The following GPC6 variants were observed in gnomAD, a reference collection of about 807,000 sequenced individuals.
GPC6 encodes glypican 6.
In GPC6, 14 loss-of-function variants were observed where a neutral mutation model predicts 55.2. The observed-to-expected ratio is 0.25, with a 90% confidence interval of 0.17 to 0.40. The LOEUF is 0.40. Ranked by LOEUF, GPC6 falls within the 10% of genes least tolerant of loss-of-function variation. GPC6 has a pLI of 1.00. For synonymous variants in GPC6, 278 were observed against 259.6 expected, an observed-to-expected ratio of 1.07 and a Z score of -0.68; for missense variants, 641 against 708.5, an observed-to-expected ratio of 0.90 and a Z score of 1.08.
intron 3 of GPC6, among the ~76,000 whole-genome samples, chr13:93,898,418 G>A (rs1302694308): frequency 6.6e-6 from 1 of 152,098 alleles, no homozygotes; most frequent in Non-Finnish European, 1.5e-5. Context: ...ATAAGAGTCA[G>A]GAAGCCACAG....
At chr13:93,977,337 G>A (rs1444686827) in intron 3 of GPC6, among the ~76,000 whole-genome samples, 1 of 152,070 alleles carries the variant, frequency 6.6e-6, no homozygotes, top group East Asian at 1.9e-4. Context: ...GGGTTTCATT[G>A]CCAGATTATA....
intron 2 of GPC6, among the ~76,000 whole-genome samples, chr13:93,767,485 A>T (rs377324444): frequency 3.3e-5 from 5 of 152,200 alleles, no homozygotes; most frequent in Non-Finnish European, 7.3e-5. Context: ...AATCCTTATC[A>T]GTCAGAAAAT....
intron 4 of GPC6, among the ~76,000 whole-genome samples, chr13:94,141,297 T>G (rs188356816): frequency 2.6e-5 from 4 of 152,300 alleles, no homozygotes; most frequent in Admixed American, 2.6e-4. Context: ...AAGCTTTGTC[T>G]AGAAATTTGG....
At chr13:93,640,288 C>T (rs1879858256) in intron 2 of GPC6, among the ~76,000 whole-genome samples, 1 of 152,044 alleles carries the variant, frequency 6.6e-6, no homozygotes, top group Non-Finnish European at 1.5e-5. Flanking sequence ...AGCATGTGCT[C>T]TCAAGGACAA....
At chr13:93,407,799 G>A (rs1876348956) in intron 1 of GPC6, among the ~76,000 whole-genome samples, 1 of 152,166 alleles carries the variant, frequency 6.6e-6, no homozygotes, top group South Asian at 2.1e-4. Flanking sequence ...TGTGCAAAAT[G>A]TGGTCCTTTT....
chr13:93,492,572 G>T (rs1374630701), intron 1 of GPC6, among the ~76,000 whole-genome samples: 1 of 142,858 alleles, frequency 7.0e-6, no homozygotes, highest in East Asian at 2.0e-4. Context: ...AATAGGAGTG[G>T]TGAGAGAGGG....
At chr13:94,288,855 T>TTTGTTATATATATAACTAATATATATAAC (rs1566637900) in intron 5 of GPC6, among the ~76,000 whole-genome samples, 1 of 16,858 alleles carries the variant, frequency 5.9e-5, no homozygotes, top group Non-Finnish European at 1.4e-4. Context: ...ATATATATAA[T>TTTGTTATATATATAACTAATATATATAAC]AAATATATAT....
chr13:93,372,641 G>T (rs1874719826), intron 1 of GPC6, among the ~76,000 whole-genome samples: 1 of 152,066 alleles, frequency 6.6e-6, no homozygotes, highest in African/African-American at 2.4e-5. Context: ...TAGGCATTTG[G>T]TTTTTCATTT....
At chr13:93,418,725 G>A (rs569032463) in intron 1 of GPC6, among the ~76,000 whole-genome samples, 48 of 150,900 alleles carry the variant, frequency 3.2e-4, no homozygotes, top group Admixed American at 4.6e-4. Flanking sequence ...GCACTATACC[G>A]TAGTGTCATT....
intron 7 of GPC6, among the ~76,000 whole-genome samples, chr13:94,382,842 C>T (rs780001549): frequency 2.5e-4 from 38 of 152,134 alleles, no homozygotes; most frequent in Non-Finnish European, 4.7e-4. Context: ...CACAAAGAGC[C>T]CTTTCATGTT....
intron 4 of GPC6, among the ~76,000 whole-genome samples, chr13:94,116,053 T>TA (rs955452471): frequency 1.3e-5 from 2 of 152,110 alleles, no homozygotes; most frequent in African/African-American, 4.8e-5. Context: ...AAATATAGGA[T>TA]AATTATAAAT....
chr13:93,434,927 G>T (rs368477014), intron 1 of GPC6, among the ~76,000 whole-genome samples: 2 of 152,026 alleles, frequency 1.3e-5, no homozygotes, highest in Non-Finnish European at 2.9e-5. Flanking sequence ...GGATGGTCTC[G>T]ATCTCTTAAC....
chr13:93,787,522 G>A (rs920617754), intron 2 of GPC6, among the ~76,000 whole-genome samples: 10 of 152,152 alleles, frequency 6.6e-5, no homozygotes, highest in African/African-American at 2.4e-4. Flanking sequence ...ATATGCTTGT[G>A]ATCTAACACA....
chr13:93,499,767 T>C (rs1175955714), intron 1 of GPC6, among the ~76,000 whole-genome samples: 1 of 152,190 alleles, frequency 6.6e-6, no homozygotes, highest in Non-Finnish European at 1.5e-5. Context: ...TGAATATATC[T>C]CTCATTATTT....
intron 7 of GPC6, among the ~76,000 whole-genome samples, chr13:94,388,751 AGAGTCCT>A (rs1210209161): frequency 6.6e-6 from 1 of 152,184 alleles, no homozygotes; most frequent in Non-Finnish European, 1.5e-5. Flanking sequence ...AGAGAGACAG[AGAGTCCT>A]GGTTCCTTTC....
intron 3 of GPC6, among the ~76,000 whole-genome samples, chr13:93,831,297 T>G (rs1261940666): frequency 1.3e-5 from 2 of 152,354 alleles, no homozygotes; most frequent in Admixed American, 6.5e-5. Context: ...GAATATTTCC[T>G]GTGTAGAGGA....
chr13:94,286,121 C>A (rs143151752), intron 4 of GPC6, among the ~76,000 whole-genome samples: 379 of 152,288 alleles, frequency 2.5e-3, no homozygotes, highest in Middle Eastern at 0.014. Context: ...GACTAATTTT[C>A]TTATTTTCAG....
chr13:93,506,044 G>A (rs551690717), intron 1 of GPC6, among the ~76,000 whole-genome samples: 8 of 152,200 alleles, frequency 5.3e-5, no homozygotes, highest in South Asian at 4.1e-4. Flanking sequence ...TATTGCTGCC[G>A]AGGTTATGTC....
At chr13:93,963,881 GC>G (rs1156566023) in intron 3 of GPC6, among the ~76,000 whole-genome samples, 2 of 152,172 alleles carry the variant, frequency 1.3e-5, no homozygotes, top group African/African-American at 2.4e-5. Context: ...CTCATGTTCA[GC>G]CCTTTGGTAC....
Sources: allele counts gnomAD v4.1 joint callset (sites outside exome capture counted in the v4.1 genomes callset), GRCh38; gene constraint gnomAD v4.1.1; transcripts MANE v1.5; gene names NCBI Gene and HGNC (gene_info 2026-07-23, HGNC 2026-07-21).